The following SULF1 variants were observed in gnomAD, a reference collection of about 807,000 sequenced individuals.
SULF1 encodes the protein sulfatase 1.
SULF1 carries 46 observed loss-of-function variants against 110.5 expected under a neutral mutation model. The ratio of observed to expected loss-of-function variants is 0.42; its 90% CI spans 0.33 to 0.53. SULF1 has a LOEUF of 0.53. SULF1 is among the 20% of genes least tolerant of loss of function. The pLI is 0.12. For synonymous variants in SULF1, 371 were observed against 387.1 expected (o/e 0.96, Z 0.49); for missense variants, 941 against 1,094.2 (o/e 0.86, Z 1.98).
At chr8:69,653,761 G>A (rs978511097) in intron 22 of SULF1, among the ~76,000 whole-genome samples, 26 of 152,178 alleles carry the variant, frequency 1.7e-4, no homozygotes, top group Non-Finnish European at 2.4e-4. Context: ...ACCTAGAGCT[G>A]TCTAGGGTAC....
At chr8:69,518,316 TA>T (rs1479716626) in intron 3 of SULF1, among the ~76,000 whole-genome samples, 2 of 152,232 alleles carry the variant, frequency 1.3e-5, no homozygotes, top group African/African-American at 4.8e-5. Context: ...TGCTCGAGCA[TA>T]TTTGTAATAG....
chr8:69,553,750 C>T (rs1814888455), intron 3 of SULF1, among the ~76,000 whole-genome samples: 1 of 152,084 alleles, frequency 6.6e-6, no homozygotes, highest in South Asian at 2.1e-4. Context: ...TTATATATAC[C>T]CTAATCAAGA....
At chr8:69,640,420 C>T (rs1353419494) in intron 21 of SULF1, among the ~76,000 whole-genome samples, 1 of 152,210 alleles carries the variant, frequency 6.6e-6, no homozygotes, top group East Asian at 1.9e-4. Flanking sequence ...CTCCACCTTC[C>T]AGACTATTCC....
chr8:69,532,874 T>A (rs566033312), intron 3 of SULF1, among the ~76,000 whole-genome samples: 1 of 152,328 alleles, frequency 6.6e-6, no homozygotes, highest in African/African-American at 2.4e-5. Context: ...TTTTACTTTC[T>A]TTCCTATGAA....
chr8:69,525,043 T>A (rs969923170), intron 3 of SULF1, among the ~76,000 whole-genome samples: 1 of 152,214 alleles, frequency 6.6e-6, no homozygotes, highest in Admixed American at 6.5e-5. Flanking sequence ...TGACAAAAGA[T>A]CATTCAGAAG....
intron 1 of SULF1, among the ~76,000 whole-genome samples, chr8:69,484,860 C>CTTCTTCTTCTTCTTCTTCT: frequency 6.7e-6 from 1 of 149,440 alleles, no homozygotes; most frequent in South Asian, 2.1e-4. Flanking sequence ...TCTTCTTCTT[C>CTTCTTCTTCTTCTTCTTCT]TTTTCTTCCT....
At chr8:69,621,318 G>A (rs1020069990) in intron 14 of SULF1, 67 bp downstream of exon 14, 8 of 1,187,006 alleles carry the variant, frequency 6.7e-6, no homozygotes, top group Non-Finnish European at 7.0e-6. Context: ...ATAGAGAGAC[G>A]AAAGGGTTGC....
At chr8:69,514,503 TAC>T (rs1811790466) in intron 3 of SULF1, among the ~76,000 whole-genome samples, 1 of 152,142 alleles carries the variant, frequency 6.6e-6, no homozygotes, top group South Asian at 2.1e-4. Context: ...TGGGTGGGGG[TAC>T]AGAGTCAAGC....
intron 15 of SULF1, among the ~76,000 whole-genome samples, chr8:69,626,483 G>C (rs1006377106): frequency 6.6e-6 from 1 of 152,266 alleles, no homozygotes; most frequent in Non-Finnish European, 1.5e-5. Flanking sequence ...CCATGCGCTC[G>C]CACTCCTCAG....
At chr8:69,497,556 T>C (rs540599904) in intron 2 of SULF1, among the ~76,000 whole-genome samples, 40 of 152,360 alleles carry the variant, frequency 2.6e-4, no homozygotes, top group Non-Finnish European at 4.7e-4. Context: ...TCTGTCTAAA[T>C]GTGTGTATGT....
intron 18 of SULF1, among the ~76,000 whole-genome samples, chr8:69,628,719 A>T (rs1810290704): frequency 6.6e-6 from 1 of 152,244 alleles, no homozygotes. Flanking sequence ...ATATATAAAA[A>T]ACAAAATAAT....
intron 19 of SULF1, among the ~76,000 whole-genome samples, chr8:69,632,898 C>T (rs1024875605): frequency 1.1e-4 from 16 of 151,540 alleles, no homozygotes; most frequent in East Asian, 5.8e-4. Context: ...TGGTGGTGCC[C>T]GCCTGTAGTC....
At chr8:69,586,888 C>T (rs1449486006) in intron 7 of SULF1, among the ~76,000 whole-genome samples, 1 of 152,158 alleles carries the variant, frequency 6.6e-6, no homozygotes, top group Non-Finnish European at 1.5e-5. Flanking sequence ...TATATTTTGT[C>T]TGTGGCTTCA....
At position 69,542,783 on chromosome 8, in the gene SULF1, G is replaced by A. The variant is rs191916834; in HGVS notation, c.-133-20756G>A. On this transcript the variant is annotated intron_variant, in intron 3 of 22. Coordinates refer to ENST00000402687, the MANE Select transcript of SULF1 (RefSeq NM_001128205.2). ...GAATGTAAGTGTGGGTTTGGGAGAAGCGTGATAGAAAATGACGGAGCAGGA... is the reference window on the plus strand; with the variant it reads ...GAATGTAAGTGTGGGTTTGGGAGAAACGTGATAGAAAATGACGGAGCAGGA... Among the ~76,000 whole-genome samples, 117 of 152,334 alleles carry A rather than the reference G, an allele frequency of 7.7e-4. 1 individual carries two copies. Among genetic ancestry groups the A allele is most frequent in the Non-Finnish European group, 1.3e-3 (86 of 68,030 alleles).
intron 1 of SULF1, among the ~76,000 whole-genome samples, chr8:69,472,153 A>G (rs1809113101): frequency 6.6e-6 from 1 of 152,164 alleles, no homozygotes; most frequent in African/African-American, 2.4e-5. Context: ...CAAGGATAAT[A>G]AAGAGCAGGC....
At chr8:69,635,445 G>T (rs969562494) in intron 19 of SULF1, among the ~76,000 whole-genome samples, 16 of 152,276 alleles carry the variant, frequency 1.1e-4, no homozygotes, top group African/African-American at 3.8e-4. Context: ...CCTCAAAACC[G>T]CTCTAAAAAA....
intron 3 of SULF1, among the ~76,000 whole-genome samples, chr8:69,557,887 T>C (rs1010498009): frequency 6.6e-6 from 1 of 152,200 alleles, no homozygotes; most frequent in African/African-American, 2.4e-5. Flanking sequence ...ACTTTTCAGC[T>C]GTCATTGTTT....
intron 6 of SULF1, among the ~76,000 whole-genome samples, chr8:69,583,041 G>T (rs1406273107): frequency 2.0e-5 from 3 of 152,212 alleles, no homozygotes; most frequent in African/African-American, 7.2e-5. Flanking sequence ...CGTGCTCAGT[G>T]CCCCTGGCAG....
intron 5 of SULF1, among the ~76,000 whole-genome samples, chr8:69,574,536 G>T (rs769623615): frequency 1.3e-5 from 2 of 152,070 alleles, no homozygotes; most frequent in Admixed American, 1.3e-4. Context: ...ACATTGTTAC[G>T]TGTGCATTGC....
Sources: gnomAD v4.1 joint callset for allele counts (sites outside exome capture counted in the v4.1 genomes callset) on GRCh38, gnomAD v4.1.1 for gene constraint, MANE v1.5 for transcripts, NCBI Gene and HGNC (gene_info 2026-07-23, HGNC 2026-07-21) for gene names.